The following GART variants were observed in gnomAD, a reference collection of about 807,000 sequenced individuals.
The protein encoded by GART is phosphoribosylglycinamide formyltransferase, phosphoribosylglycinamide synthetase, phosphoribosylaminoimidazole synthetase.
Under a neutral mutation model 107.2 loss-of-function variants are expected in GART, and 43 were observed. The observed-to-expected ratio is 0.40, with a 90% CI of 0.31 to 0.52. The LOEUF is 0.52. GART is among the 20% of genes least tolerant of loss of function. GART has a pLI of 0.52. For missense variants in GART, 1,107 were observed against 1,206.5 expected (o/e 0.92, Z 1.22); for synonymous variants, 434 against 427.0 (o/e 1.02, Z -0.20).
chr21:33,533,019 G>A (rs1296267648), intron 4 of GART, among the ~76,000 whole-genome samples: 1 of 152,034 alleles, frequency 6.6e-6, no homozygotes, highest in Non-Finnish European at 1.5e-5. Context: ...CAACTGAAAG[G>A]AAAACATAAC....
chr21:33,507,830 TCAAAAA>T (rs921650026), intron 18 of GART, among the ~76,000 whole-genome samples: 7 of 151,526 alleles, frequency 4.6e-5, no homozygotes, highest in Non-Finnish European at 7.4e-5. Flanking sequence ...AGACTCTATC[TCAAAAA>T]CAAAAACAAA....
At chr21:33,530,203 C>T (rs754800171) in intron 7 of GART, among the ~76,000 whole-genome samples, 70 of 152,148 alleles carry the variant, frequency 4.6e-4, no homozygotes, top group Non-Finnish European at 7.3e-4. Context: ...AAAACAACAA[C>T]AAAAACAAAA....
At chr21:33,532,921 G>A (rs2085220966) in intron 4 of GART, among the ~76,000 whole-genome samples, 2 of 152,008 alleles carry the variant, frequency 1.3e-5, no homozygotes, top group Non-Finnish European at 2.9e-5. Flanking sequence ...ACTGTTACTT[G>A]CTCAAGGCAT....
intron 20 of GART, 99 bp from the exon 21 acceptor site, chr21:33,504,626 T>G: frequency 1.2e-6 from 1 of 830,150 alleles, no homozygotes; most frequent in African/African-American, 1.7e-5. Flanking sequence ...CAAACAGGAG[T>G]TGGATTTCTG....
In GART at chr21:33,520,507, C is replaced by T. The variant is rs2084952613; in HGVS notation, c.1559G>A (p.Cys520Tyr). The T allele has an allele frequency of 1.2e-6, 2 of 1,614,054 alleles. No homozygotes were observed. The highest frequency in any genetic ancestry group is 1.7e-6 in the Non-Finnish European group (2 of 1,180,032). Residue 520 changes from cysteine (C) to tyrosine (Y), a missense_variant, in exon 14 of 22, where the codon TGT (cysteine) becomes TAT (tyrosine). Coordinates refer to ENST00000381815, the MANE Select transcript of GART (RefSeq NM_000819.5). ...TCCTTGTGCCAGAATATCATTAACACACATTGCTACCAAATCTTGACCAAT... is the reference window on the plus strand; with the variant it reads ...TCCTTGTGCCAGAATATCATTAACATACATTGCTACCAAATCTTGACCAAT... ...DTIGQDLVAM[C>Y]VNDILAQGAE...
intron 2 of GART, among the ~76,000 whole-genome samples, chr21:33,538,749 T>C (rs1039206141): frequency 6.6e-6 from 1 of 152,134 alleles, no homozygotes; most frequent in African/African-American, 2.4e-5. Flanking sequence ...AATTTTAAGG[T>C]CAAGGAAAGC....
At chr21:33,534,477 A>C in intron 4 of GART, 102 bp downstream of exon 4, 1 of 1,293,752 alleles carries the variant, frequency 7.7e-7, no homozygotes, top group South Asian at 1.3e-5. Flanking sequence ...TTGGCCTCCC[A>C]AAGTGCTGGG....
chr21:33,516,246 TAAAAAAAAA>T (rs11321647), intron 16 of GART, among the ~76,000 whole-genome samples: 74 of 95,198 alleles, frequency 7.8e-4, no homozygotes, highest in African/African-American at 2.9e-3. Flanking sequence ...AGACTCTGTC[TAAAAAAAAA>T]AAAAAAAAAA....
Position 33,524,844 on chromosome 21 carries a change from G to T in GART, c.1223C>A (p.Ala408Asp). The T allele has an allele frequency of 6.2e-7, 1 of 1,614,192 alleles. No individual in the cohort carries two copies. Among genetic ancestry groups the T allele is most frequent in the Admixed American group, 1.7e-5 (1 of 60,018 alleles). The change falls in exon 11 of 22, where the codon GCT (alanine) becomes GAT (aspartate). Residue 408 changes from alanine to aspartate, a missense_variant. Coordinates refer to ENST00000381815, the MANE Select transcript of GART (RefSeq NM_000819.5). ...SALEEAKKGLAAIKFEGAIYR... is the reference protein window; with the variant it reads ...SALEEAKKGLDAIKFEGAIYR... ...AATTGCTCCCTCAAACTTTATAGCA[G>T]CTAGTCCTTTCTTGGCTTCCTCAAG...
chr21:33,540,713 G>A (rs2085396849), intron 1 of GART, among the ~76,000 whole-genome samples: 1 of 152,008 alleles, frequency 6.6e-6, no homozygotes, highest in African/African-American at 2.4e-5. Flanking sequence ...ACTGGTAACA[G>A]GAAAAAGAAA....
intron 11 of GART, 132 bp downstream of exon 11, chr21:33,524,637 C>A (rs2085034861): frequency 4.2e-6 from 6 of 1,442,984 alleles, no homozygotes; most frequent in Non-Finnish European, 3.6e-6. Context: ...AAACAAAATA[C>A]AAACCAAGAC....
At chr21:33,531,666 A>G (rs1345294789) in intron 5 of GART, 109 bp from the exon 6 acceptor site, 7 of 942,140 alleles carry the variant, frequency 7.4e-6, no homozygotes, top group Admixed American at 5.2e-5. Context: ...TGAACCAGTG[A>G]GTACTGTAAT....
rs974304573 is a variant in GART at position 33,505,367 on chromosome 21, T to G, written c.2725+194A>C. Among the ~76,000 whole-genome samples the G allele has an allele frequency of 2.0e-5, 3 of 152,332 alleles. No individual in the cohort carries two copies. In the South Asian group the frequency reaches 6.2e-4, roughly 32 times the overall value. ...TAGAGAGCAGGTTAATAAATCATCA[T>G]TGGGTCATTCTTTAGTGTAAAACAA... On this transcript the variant is annotated intron_variant, in intron 20 of 21. Coordinates refer to ENST00000381815, the MANE Select transcript of GART (RefSeq NM_000819.5).
At chr21:33,533,722 T>C (rs923153043) in intron 4 of GART, among the ~76,000 whole-genome samples, 3 of 151,956 alleles carry the variant, frequency 2.0e-5, no homozygotes, top group African/African-American at 4.8e-5. Flanking sequence ...CTGGGAAACA[T>C]GGTAAAACTC....
At chr21:33,519,396 T>C (rs1020731375) in intron 14 of GART, among the ~76,000 whole-genome samples, 8 of 150,294 alleles carry the variant, frequency 5.3e-5, no homozygotes, top group Admixed American at 1.3e-4. Flanking sequence ...TACTGAAAAA[T>C]AGAAAAAATT....
At chr21:33,523,380 T>C (rs1441401489) in intron 11 of GART, among the ~76,000 whole-genome samples, 1 of 152,190 alleles carries the variant, frequency 6.6e-6, no homozygotes, top group Admixed American at 6.5e-5. Flanking sequence ...CAACTAACAC[T>C]GTGGCATTTC....
chr21:33,512,022 A>G (rs958751603), intron 16 of GART, among the ~76,000 whole-genome samples: 2 of 152,080 alleles, frequency 1.3e-5, no homozygotes, highest in African/African-American at 2.4e-5. Flanking sequence ...TTTGGATTAC[A>G]TGCCTGTAAT....
chr21:33,525,361 C>A (rs1054742795), intron 10 of GART, among the ~76,000 whole-genome samples: 2 of 152,142 alleles, frequency 1.3e-5, no homozygotes, highest in Non-Finnish European at 1.5e-5. Context: ...GCAACAGAGA[C>A]CCTGTCTCCA....
At chr21:33,511,514 A>G (rs1009661101) in intron 16 of GART, 56 bp from the exon 17 acceptor site, 15 of 1,497,560 alleles carry the variant, frequency 1.0e-5, no homozygotes, top group African/African-American at 9.6e-5. Flanking sequence ...ACAAAGTACA[A>G]AAGTATGCAC....
Sources: allele counts gnomAD v4.1 joint callset (sites outside exome capture counted in the v4.1 genomes callset), GRCh38; gene constraint gnomAD v4.1.1; transcripts MANE v1.5; gene names NCBI Gene and HGNC (gene_info 2026-07-23, HGNC 2026-07-21).